The following MMS22L variants were observed in gnomAD, a reference collection of about 807,000 sequenced individuals.
The protein encoded by MMS22L is MMS22 like, DNA repair protein.
A neutral mutation model predicts 159.1 loss-of-function variants in MMS22L; 74 were observed. The ratio of observed to expected loss-of-function variants is 0.47; its 90% confidence interval spans 0.39 to 0.56. The LOEUF (loss-of-function observed/expected upper bound fraction) is 0.56. Among genes scored for constraint, MMS22L ranks in the 20% least tolerant of loss-of-function variants. The pLI, the probability that MMS22L is intolerant of heterozygous loss-of-function variation, is 0.00. For synonymous variants in MMS22L, 517 were observed against 506.9 expected, an observed-to-expected ratio of 1.02 and a Z score of -0.27; for missense variants, 1,351 against 1,422.1, an observed-to-expected ratio of 0.95 and a Z score of 0.80.
intron 11 of MMS22L, among the ~76,000 whole-genome samples, chr6:97,240,993 C>T (rs189499930): frequency 1.2e-4 from 18 of 152,304 alleles, no homozygotes; most frequent in Non-Finnish European, 1.9e-4. Context: ...CCTCAAAGTC[C>T]ATTATATCAT....
chr6:97,274,106 A>T (rs1816024312), intron 4 of MMS22L, among the ~76,000 whole-genome samples: 2 of 152,196 alleles, frequency 1.3e-5, no homozygotes, highest in Non-Finnish European at 2.9e-5. Context: ...TATGGGCAAA[A>T]CACTAATAAT....
At chr6:97,270,150 A>C (rs762214445) in intron 6 of MMS22L, 158 bp from the exon 7 acceptor site, 2 of 657,328 alleles carry the variant, frequency 3.0e-6, no homozygotes, top group African/African-American at 3.6e-5. Context: ...TGTTCATTAG[A>C]GGATTCTTTC....
intron 4 of MMS22L, among the ~76,000 whole-genome samples, chr6:97,277,573 C>T (rs1041691859): frequency 3.3e-5 from 5 of 151,636 alleles, no homozygotes; most frequent in African/African-American, 1.2e-4. Context: ...ACAAAATGAA[C>T]AAAAAAACAC....
chr6:97,178,484 T>C lies in MMS22L; in HGVS notation c.2638A>G (p.Ile880Val), dbSNP rs771387683. The C allele has an allele frequency of 1.6e-5, 26 of 1,583,134 alleles. No homozygotes were observed. The highest frequency in any genetic ancestry group is 1.7e-4 in the Middle Eastern group (1 of 5,962). ...AGTGCTTTTTTAGGGTCTTCTGAGATGGATAAATATTCAACTTGGGCCTTT... is the reference window on the plus strand; with the variant it reads ...AGTGCTTTTTTAGGGTCTTCTGAGACGGATAAATATTCAACTTGGGCCTTT... ...FSKAQVEYLSISEDPKKALVR... is the reference protein window; with the variant it reads ...FSKAQVEYLSVSEDPKKALVR... The change falls in exon 18 of 25, where the codon ATC (isoleucine) becomes GTC (valine). Residue 880 changes from isoleucine to valine, a missense_variant. Ile to Val is a conservative substitution (Grantham distance 29, BLOSUM62 3). Coordinates refer to ENST00000683635, the MANE Select transcript of MMS22L (RefSeq NM_001350599.2).
intron 14 of MMS22L, among the ~76,000 whole-genome samples, chr6:97,201,900 A>C (rs984588244): frequency 6.6e-6 from 1 of 152,178 alleles, no homozygotes; most frequent in Non-Finnish European, 1.5e-5. Context: ...ATTAGGTTTA[A>C]ATATTGGACA....
At chr6:97,260,294 A>G (rs1472058254) in intron 9 of MMS22L, 2 of 152,148 alleles carry the variant, frequency 1.3e-5, no homozygotes, top group Admixed American at 6.5e-5. Flanking sequence ...GATTGCATTT[A>G]TATGTACAGT....
chr6:97,178,027 G>A (rs187437401), intron 18 of MMS22L, among the ~76,000 whole-genome samples: 10 of 152,206 alleles, frequency 6.6e-5, no homozygotes, highest in East Asian at 1.9e-4. Context: ...ACTATCATAC[G>A]AAGTAGATGG....
intron 4 of MMS22L, 100 bp from the exon 5 acceptor site, chr6:97,273,162 T>C (rs1257997000): frequency 3.4e-6 from 3 of 874,490 alleles, no homozygotes; most frequent in Non-Finnish European, 5.4e-6. Flanking sequence ...CTCTATCTTG[T>C]AACATTTTAT....
intron 12 of MMS22L, 32 bp from the exon 13 acceptor site, chr6:97,231,684 A>G (rs1052406769): frequency 1.4e-6 from 2 of 1,452,968 alleles, no homozygotes; most frequent in African/African-American, 1.4e-5. Flanking sequence ...ATAGAAAACA[A>G]TTATTAGTCT....
At chr6:97,238,970 A>T (rs1160763323) in intron 11 of MMS22L, among the ~76,000 whole-genome samples, 1 of 146,362 alleles carries the variant, frequency 6.8e-6, no homozygotes, top group African/African-American at 2.5e-5. Context: ...TGGTTATTAT[A>T]TATAATTTAA....
At position 97,145,168 on chromosome 6, in the gene MMS22L, T is replaced by C. The variant is rs564631324; in HGVS notation, c.*1638A>G. 2.6e-5 allele frequency: 4 copies of C among 152,200 alleles called. No individual in the cohort carries two copies. The East Asian group carries it at 7.7e-4, about 29-fold the overall frequency. 9.4% of individuals were successfully genotyped at this position (152,200 alleles called of 1,614,324 possible). ...CTTTCCAAGCCATACATTATTTGTTTAGTAAGTCACTATCATGATGAAAAG... is the reference window on the plus strand; with the variant it reads ...CTTTCCAAGCCATACATTATTTGTTCAGTAAGTCACTATCATGATGAAAAG... On this transcript the variant is annotated 3_prime_UTR_variant, in exon 25 of 25. Coordinates refer to ENST00000683635, the MANE Select transcript of MMS22L (RefSeq NM_001350599.2).
intron 8 of MMS22L, chr6:97,263,708 C>CG: frequency 4.4e-6 from 1 of 227,848 alleles, no homozygotes; most frequent in East Asian, 9.8e-5. Flanking sequence ...CAAACTTTCT[C>CG]TTTTTTTTTT....
chr6:97,272,351 G>A (rs1162470189), intron 6 of MMS22L: 1 of 160,652 alleles, frequency 6.2e-6, no homozygotes, highest in African/African-American at 2.4e-5. Context: ...AAAAATTTCA[G>A]AAAATAAAGA....
intron 14 of MMS22L, among the ~76,000 whole-genome samples, chr6:97,212,297 C>T (rs529830413): frequency 1.3e-5 from 2 of 152,214 alleles, no homozygotes; most frequent in South Asian, 2.1e-4. Flanking sequence ...AAAATTAATA[C>T]AGCAGAATTT....
chr6:97,260,955 C>T (rs1814407480), intron 9 of MMS22L: 1 of 151,880 alleles, frequency 6.6e-6, no homozygotes, highest in Non-Finnish European at 1.5e-5. Context: ...TCTTCTGGTG[C>T]CCTTCACCAC....
At chr6:97,181,033 C>T (rs572968763) in intron 16 of MMS22L, among the ~76,000 whole-genome samples, 5 of 152,172 alleles carry the variant, frequency 3.3e-5, no homozygotes, top group East Asian at 1.9e-4. Context: ...TGTGTACACA[C>T]GACGTATGTG....
chr6:97,266,880 A>C (rs1815179463), intron 8 of MMS22L: 1 of 152,234 alleles, frequency 6.6e-6, no homozygotes. Flanking sequence ...ATCAAAGCAT[A>C]TAAAATTTCA....
At chr6:97,187,992 A>G (rs889684067) in intron 14 of MMS22L, among the ~76,000 whole-genome samples, 2 of 152,218 alleles carry the variant, frequency 1.3e-5, no homozygotes, top group African/African-American at 4.8e-5. Flanking sequence ...GAAAGAGTAT[A>G]CAGTAAACAA....
At chr6:97,272,161 T>C (rs1357508020) in intron 6 of MMS22L, 1 of 152,108 alleles carries the variant, frequency 6.6e-6, no homozygotes, top group Non-Finnish European at 1.5e-5. Flanking sequence ...ACGGTAACAA[T>C]ATAAAGTTTT....
Sources: allele counts gnomAD v4.1 joint callset (sites outside exome capture counted in the v4.1 genomes callset), GRCh38; gene constraint gnomAD v4.1.1; transcripts MANE v1.5; gene names NCBI Gene and HGNC (gene_info 2026-07-23, HGNC 2026-07-21).